The following PIDD1 variants were observed in gnomAD, a reference collection of about 807,000 sequenced individuals.
PIDD1 encodes the protein p53-induced death domain protein 1.
PIDD1 carries 72 observed loss-of-function variants against 80.0 expected under a neutral mutation model. The observed-to-expected ratio is 0.90, with a 90% CI of 0.74 to 1.09. The LOEUF (loss-of-function observed/expected upper bound fraction) is 1.09. Among genes scored for constraint, PIDD1 ranks in the 50% least tolerant of loss-of-function variants. PIDD1 has a pLI of 0.00. For missense variants in PIDD1, 1,329 were observed against 1,228.3 expected, an observed-to-expected ratio of 1.08 and a Z score of -1.23; for synonymous variants, 655 against 543.5, an observed-to-expected ratio of 1.21 and a Z score of -2.85.
Position 801,367 on chromosome 11 carries a change from TG to T in PIDD1, c.1483-3del. 2 of 1,607,936 alleles carry T rather than the reference TG, an allele frequency of 1.2e-6. No individual in the cohort carries two copies. The highest frequency in any genetic ancestry group is 1.7e-4 in the Middle Eastern group (1 of 6,042). ...CTCTCGGCCAGCCATGCGCACCACCTGGGGCAGACAGGCCCCCTGAGCACCT... is the reference window on the plus strand; with the variant it reads ...CTCTCGGCCAGCCATGCGCACCACCTGGGCAGACAGGCCCCCTGAGCACCT... On this transcript the variant is annotated splice_region_variant and splice_polypyrimidine_tract_variant and intron_variant, in intron 8 of 15. Transcript: ENST00000347755.
In PIDD1 at chr11:802,582, G is replaced by A. The variant is rs369995833; in HGVS notation, c.935C>T (p.Pro312Leu). Residue 312 changes from proline to leucine, a missense_variant, in exon 5 of 16, where the codon CCA becomes CTA. Pro to Leu is a moderately conservative substitution (Grantham distance 98, BLOSUM62 -3). Transcript: ENST00000347755. The stretch of plus-strand genomic sequence containing the variant: ...GGTCAGGAACAGTCTGGGCATTTCT[G>A]GAATGAGGGCTGCCACTGTGCAGGG... ...APSSPVAALIPEMPRLFLTSD... is the reference protein window; with the variant it reads ...APSSPVAALILEMPRLFLTSD... 13 of 1,613,142 alleles carry A rather than the reference G, an allele frequency of 8.1e-6. No individual in the cohort carries two copies. In the East Asian group the frequency reaches 1.6e-4, roughly 19 times the overall value.
chr11:804,567 G>A, intron 1 of PIDD1, 104 bp from the exon 2 acceptor site: 1 of 1,202,608 alleles, frequency 8.3e-7, no homozygotes, highest in Non-Finnish European at 1.1e-6. Flanking sequence ...CAGGCCATCT[G>A]GGCCTGGGCT....
chr11:806,780 T>TAGTAGAGA (rs202167065), upstream of PIDD1, among the ~76,000 whole-genome samples: 1 of 152,004 alleles, frequency 6.6e-6, no homozygotes, highest in Admixed American at 6.6e-5. Flanking sequence ...AGACGGGGTT[T>TAGTAGAGA]CACCGTGTTA....
At chr11:809,062 T>G (rs1354282062), upstream of PIDD1, among the ~76,000 whole-genome samples, 2 of 152,232 alleles carry the variant, frequency 1.3e-5, no homozygotes, top group Admixed American at 1.3e-4. Flanking sequence ...CCTCTGTCCC[T>G]GTCCTTCGGA....
rs372515243 is a variant in PIDD1 at position 802,042 on chromosome 11, G to T, written c.1225C>A (p.Arg409Ser). 6.3e-7 allele frequency: 1 copy of T among 1,591,128 alleles called. No individual in the cohort carries two copies. Among genetic ancestry groups the T allele is most frequent in the Admixed American group, 1.8e-5 (1 of 56,664 alleles). ...TTCCGGGTCCTGACCACCACTTCAC[G>T]GCAGCGCCGGGCCTGCGGTGGGGTG... ...LFTPPQARRC[R>S]EVVVRTRNDN... Residue 409 changes from arginine to serine, a missense_variant, in exon 7 of 16, where the codon CGT becomes AGT. By Grantham distance (110) the Arg-to-Ser change is moderately radical. Coordinates refer to ENST00000347755, the MANE Select transcript of PIDD1 (RefSeq NM_145886.4).
intron 2 of PIDD1, 53 bp downstream of exon 2, chr11:804,041 G>C: frequency 1.3e-6 from 2 of 1,534,696 alleles, no homozygotes; most frequent in South Asian, 1.2e-5. Context: ...ACATGCAGCA[G>C]AGGCAGGGCA....
intron 1 of PIDD1, 137 bp from the exon 2 acceptor site, chr11:804,600 G>T: frequency 1.1e-6 from 1 of 874,882 alleles, no homozygotes; most frequent in Non-Finnish European, 1.6e-6. Flanking sequence ...AGACCTTGTG[G>T]TCACCCTGAA....
rs1295887977 is a variant in PIDD1 at position 801,512 on chromosome 11, C to G, written c.1415G>C (p.Gly472Ala). The G allele has an allele frequency of 1.3e-6, 2 of 1,556,736 alleles. No homozygotes were observed. Among genetic ancestry groups the G allele is most frequent in the Middle Eastern group, 1.7e-4 (1 of 5,932 alleles). Reference sequence around the variant, plus strand: ...GAAGATGACTTTGACCCCAGGATGACCCGAGGAGCACAGCAGTGTCCCCTC... The same window carrying G: ...GAAGATGACTTTGACCCCAGGATGAGCCGAGGAGCACAGCAGTGTCCCCTC... ...PPEGTLLCSS[G>A]HPGVKVIFPP... is the part of the protein sequence containing the mutation. Residue 472 changes from glycine to alanine, a missense_variant, in exon 8 of 16, where the codon GGT becomes GCT. By Grantham distance (60) the Gly-to-Ala change is moderately conservative. Coordinates refer to ENST00000347755, the MANE Select transcript of PIDD1 (RefSeq NM_145886.4).
rs1022560696 is a variant in PIDD1 at position 800,701 on chromosome 11, C to T, written c.1918-35G>A. 7 of 1,557,586 alleles carry T rather than the reference C, an allele frequency of 4.5e-6. No homozygotes were observed. In the East Asian group the frequency reaches 1.7e-4, roughly 37 times the overall value. ...AGCCCGTGCAGCTCAGGACCCAAAG[C>T]TCTGCACCCCACCCCAGCCCTCTGG... On this transcript the variant is annotated intron_variant, in intron 11 of 15. Transcript: ENST00000347755.
chr11:803,247 C>T lies in PIDD1; in HGVS notation c.636G>A (p.Glu212=). 3 of 1,613,112 alleles carry T rather than the reference C, an allele frequency of 1.9e-6. No homozygotes were observed. In the South Asian group the frequency reaches 3.3e-5, roughly 18 times the overall value. The change falls in exon 3 of 16, where the codon GAG becomes GAA. Residue 212 remains glutamate, a synonymous_variant. Coordinates refer to ENST00000347755, the MANE Select transcript of PIDD1 (RefSeq NM_145886.4). ...SQNLLDTLPP[E]IGGLGSLLEL... ...CCAGGAGGCTGCCCAGGCCTCCAATCTCAGGAGGTAGCGTGTCCAGCAGAT... is the reference window on the plus strand; with the variant it reads ...CCAGGAGGCTGCCCAGGCCTCCAATTTCAGGAGGTAGCGTGTCCAGCAGAT...
At chr11:803,118 C>A in intron 3 of PIDD1, 56 bp downstream of exon 3, 3 of 1,302,076 alleles carry the variant, frequency 2.3e-6, no homozygotes, top group Non-Finnish European at 1.1e-6. Context: ...AGAAGACAGG[C>A]AGGCTTCAGG....
chr11:803,236 A>G lies in PIDD1; in HGVS notation c.647T>C (p.Leu216Pro), dbSNP rs1434164770. 6.2e-7 allele frequency: 1 copy of G among 1,612,662 alleles called. No individual in the cohort carries two copies. The highest frequency in any genetic ancestry group is 8.5e-7 in the Non-Finnish European group (1 of 1,179,920). The change falls in exon 3 of 16, where the codon CTG becomes CCG. Residue 216 changes from leucine to proline, a missense_variant. Coordinates refer to ENST00000347755, the MANE Select transcript of PIDD1 (RefSeq NM_145886.4). ...CAGGTTGAGCTCCAGGAGGCTGCCC[A>G]GGCCTCCAATCTCAGGAGGTAGCGT... is the stretch of plus-strand genomic sequence containing the variant. ...LDTLPPEIGG[L>P]GSLLELNLAS... is the part of the protein sequence containing the mutation.
Position 801,172 on chromosome 11 carries a change from C to G in PIDD1, c.1630+46G>C, listed in dbSNP as rs755583546. 3 of 1,544,554 alleles carry G rather than the reference C, an allele frequency of 1.9e-6. No homozygotes were observed. In the African/African-American group the frequency reaches 4.1e-5, roughly 21 times the overall value. On this transcript the variant is annotated intron_variant, in intron 9 of 15. Coordinates refer to ENST00000347755, the MANE Select transcript of PIDD1 (RefSeq NM_145886.4). Reference sequence around the variant, plus strand: ...AGGCCTCCTGGCCGGAGACCCCCTCCACCCTATGGCCACAGGTCCAGGTAT... The same window carrying G: ...AGGCCTCCTGGCCGGAGACCCCCTCGACCCTATGGCCACAGGTCCAGGTAT...
Position 799,379 on chromosome 11 carries a change from C to T in PIDD1, c.2661G>A (p.Met887Ile). 1 of 1,611,858 alleles carries T rather than the reference C, an allele frequency of 6.2e-7. No individual in the cohort carries two copies. The highest frequency in any genetic ancestry group is 1.1e-5 in the South Asian group (1 of 91,072). The change falls in exon 16 of 16, where the codon ATG becomes ATA. Residue 887 changes from methionine to isoleucine, a missense_variant. Coordinates refer to ENST00000347755, the MANE Select transcript of PIDD1 (RefSeq NM_145886.4). The stretch of plus-strand genomic sequence containing the variant: ...GAGCGGGGTCCTTGGGGGCCAAGCC[C>T]ATGCGTCGGATGCTGTCCTGGTACT... ...RRKYQDSIRRMGLAPKDPALP... is the reference protein window; with the variant it reads ...RRKYQDSIRRIGLAPKDPALP...
At chr11:803,993 C>CCTGGAG in intron 2 of PIDD1, 101 bp downstream of exon 2, 1 of 1,338,376 alleles carries the variant, frequency 7.5e-7, no homozygotes, top group Non-Finnish European at 1.0e-6. Context: ...GGAGGGGCGG[C>CCTGGAG]CTGGAGCTGG....
At chr11:806,357 G>T (rs150969650), upstream of PIDD1, among the ~76,000 whole-genome samples, 1 of 151,050 alleles carries the variant, frequency 6.6e-6, no homozygotes, top group Non-Finnish European at 1.5e-5. Flanking sequence ...ACCCCCGAGC[G>T]GGCCTGTGCT....
chr11:807,111 G>C (rs1171450031), upstream of PIDD1, among the ~76,000 whole-genome samples: 1 of 151,240 alleles, frequency 6.6e-6, no homozygotes, highest in Non-Finnish European at 1.5e-5. Context: ...AGAATGGCTT[G>C]AACGCGGGAG....
At chr11:808,085 G>A (rs1414064237), upstream of PIDD1, among the ~76,000 whole-genome samples, 1 of 151,488 alleles carries the variant, frequency 6.6e-6, no homozygotes, top group Non-Finnish European at 1.5e-5. Context: ...GGGGGAGCAG[G>A]GAATAGGGAC....
At position 799,284 on chromosome 11, in the gene PIDD1, G is replaced by A. The variant is rs763614580; in HGVS notation, c.*23C>T. 2 of 1,555,112 alleles carry A rather than the reference G, an allele frequency of 1.3e-6. No individual in the cohort carries two copies. Among genetic ancestry groups the A allele is most frequent in the African/African-American group, 1.4e-5 (1 of 73,810 alleles). On this transcript the variant is annotated 3_prime_UTR_variant, in exon 16 of 16. Transcript: ENST00000347755. ...TGCCCATCCACTGGGGAATATCTGG[G>A]CCAGCCTAAAAGTCTGTGGGGCCTA...
Sources: gnomAD v4.1 joint callset for allele counts (sites outside exome capture counted in the v4.1 genomes callset) on GRCh38, gnomAD v4.1.1 for gene constraint, MANE v1.5 for transcripts, NCBI Gene and HGNC (gene_info 2026-07-23, HGNC 2026-07-21) for gene names.